CEP128: variants seen among roughly 807,000 people sequenced by gnomAD.
CEP128 encodes the protein centrosomal protein 128, also known as centrosomal protein 128kDa.
In CEP128, 132 loss-of-function variants were observed where a neutral mutation model predicts 156.7. The observed-to-expected ratio is 0.84, with a 90% CI of 0.73 to 0.97. The LOEUF is 0.97. Ranked by LOEUF, CEP128 falls within the 50% of genes least tolerant of loss-of-function variation. The pLI is 0.00. For missense variants in CEP128, 1,252 were observed against 1,281.9 expected, an observed-to-expected ratio of 0.98 and a Z score of 0.36; for synonymous variants, 469 against 448.9, an observed-to-expected ratio of 1.04 and a Z score of -0.57.
intron 14 of CEP128, among the ~76,000 whole-genome samples, chr14:80,792,533 T>C (rs1336538257): frequency 6.6e-6 from 1 of 152,208 alleles, no homozygotes. Context: ...CATCTATTTA[T>C]GGGCCAACTC....
chr14:80,766,991 A>AT (rs1900271873), intron 16 of CEP128, among the ~76,000 whole-genome samples: 1 of 152,112 alleles, frequency 6.6e-6, no homozygotes, highest in African/African-American at 2.4e-5. Flanking sequence ...TCAAGATAAA[A>AT]CTGTTATGCC....
intron 19 of CEP128, among the ~76,000 whole-genome samples, chr14:80,623,137 T>C (rs1048111939): frequency 1.3e-5 from 2 of 151,950 alleles, no homozygotes; most frequent in South Asian, 4.1e-4. Context: ...CCATAAAAAA[T>C]GATGAGTTCA....
chr14:80,787,353 C>T (rs1901464014), intron 14 of CEP128, among the ~76,000 whole-genome samples: 1 of 152,098 alleles, frequency 6.6e-6, no homozygotes, highest in Admixed American at 6.5e-5. Context: ...TTCTAGAAGC[C>T]AACCTTGTTC....
At chr14:80,528,624 C>A (rs183853564) in intron 22 of CEP128, among the ~76,000 whole-genome samples, 1 of 152,236 alleles carries the variant, frequency 6.6e-6, no homozygotes, top group East Asian at 1.9e-4. Context: ...CGCATTTAAA[C>A]AAGAATAAAG....
At chr14:80,549,296 C>G (rs1357387580) in intron 21 of CEP128, among the ~76,000 whole-genome samples, 1 of 152,138 alleles carries the variant, frequency 6.6e-6, no homozygotes, top group Non-Finnish European at 1.5e-5. Context: ...AACCTTTTTC[C>G]GGTTTCAGTT....
At chr14:80,535,199 G>A (rs146768712) in intron 21 of CEP128, among the ~76,000 whole-genome samples, 2 of 152,274 alleles carry the variant, frequency 1.3e-5, no homozygotes, top group Non-Finnish European at 2.9e-5. Flanking sequence ...AGATAGGTAC[G>A]TATTATTGTT....
chr14:80,539,765 G>C (rs1445861399), intron 21 of CEP128, among the ~76,000 whole-genome samples: 1 of 152,090 alleles, frequency 6.6e-6, no homozygotes, highest in Non-Finnish European at 1.5e-5. Flanking sequence ...GCAAGTAGGA[G>C]AGATATCGCC....
At chr14:80,901,968 C>T (rs77137768) in intron 6 of CEP128, among the ~76,000 whole-genome samples, 2,687 of 152,270 alleles carry the variant, frequency 0.018, 43 homozygotes, top group Non-Finnish European at 0.024. Context: ...CCTCGTGGGC[C>T]TTCTTTAAAT....
At chr14:80,638,442 G>T (rs1184005013) in intron 19 of CEP128, among the ~76,000 whole-genome samples, 1 of 152,052 alleles carries the variant, frequency 6.6e-6, no homozygotes, top group Non-Finnish European at 1.5e-5. Flanking sequence ...CAATCTATGG[G>T]CACAGAGGAC....
rs2139657912 is a variant in CEP128, at chr14:80,950,536, G to A, written c.-172+7642C>T. ...ATTAGTGGCCAATTAAATATTACGG[G>A]AGGACAAAAAAGAATACTGAATTTG... is the stretch of plus-strand genomic sequence containing the variant. On this transcript the variant is annotated intron_variant, in intron 2 of 7. Transcript: ENST00000555529. Among the ~76,000 whole-genome samples the A allele has an allele frequency of 1.3e-5, 2 of 152,022 alleles. 1 individual carries two copies.
intron 19 of CEP128, among the ~76,000 whole-genome samples, chr14:80,625,322 C>T (rs1893665342): frequency 6.6e-6 from 1 of 152,032 alleles, no homozygotes; most frequent in Non-Finnish European, 1.5e-5. Context: ...GGTTTTTATA[C>T]CAATATCACA....
intron 8 of CEP128, among the ~76,000 whole-genome samples, chr14:80,881,818 A>G (rs1469536282): frequency 6.6e-6 from 1 of 152,114 alleles, no homozygotes; most frequent in African/African-American, 2.4e-5. Flanking sequence ...GCAGGACAAA[A>G]CTATATAAAA....
intron 23 of CEP128, among the ~76,000 whole-genome samples, chr14:80,523,029 C>T (rs1594945231): frequency 6.6e-6 from 1 of 152,264 alleles, no homozygotes; most frequent in East Asian, 1.9e-4. Flanking sequence ...TGGTGATTGC[C>T]ACAGGAATAA....
intron 19 of CEP128, among the ~76,000 whole-genome samples, chr14:80,627,735 A>C (rs1231440368): frequency 9.2e-6 from 1 of 108,840 alleles, no homozygotes; most frequent in South Asian, 3.5e-4. Flanking sequence ...ATTAATTATT[A>C]TTTTCTTTTT....
chr14:80,785,655 ATTC>A, intron 14 of CEP128, 110 bp from the exon 15 acceptor site: 1 of 749,360 alleles, frequency 1.3e-6, no homozygotes, highest in Non-Finnish European at 2.0e-6. Flanking sequence ...GAAAAAAAAA[ATTC>A]ATCAAATAAT....
At chr14:80,880,699 A>G (rs181511663) in intron 8 of CEP128, among the ~76,000 whole-genome samples, 293 of 150,388 alleles carry the variant, frequency 1.9e-3, no homozygotes, top group Admixed American at 3.3e-3. Context: ...TACTAAAAAA[A>G]AAAAATACAA....
intron 2 of CEP128, among the ~76,000 whole-genome samples, chr14:80,949,617 G>A (rs1365649337): frequency 6.6e-6 from 1 of 152,098 alleles, no homozygotes; most frequent in Non-Finnish European, 1.5e-5. Flanking sequence ...TCGGGAATGA[G>A]GAATAATTAG....
chr14:80,715,922 G>A (rs1897586637), intron 19 of CEP128, among the ~76,000 whole-genome samples: 1 of 152,184 alleles, frequency 6.6e-6, no homozygotes, highest in South Asian at 2.1e-4. Flanking sequence ...TGAAATGAGT[G>A]TTAACCACTT....
At chr14:80,646,969 C>A (rs1228707092) in intron 19 of CEP128, among the ~76,000 whole-genome samples, 1 of 114,238 alleles carries the variant, frequency 8.8e-6, no homozygotes, top group Non-Finnish European at 1.9e-5. Context: ...GAATGCTAGG[C>A]CAAAAGGTGC....
Sources: allele counts gnomAD v4.1 joint callset (sites outside exome capture counted in the v4.1 genomes callset), GRCh38; gene constraint gnomAD v4.1.1; transcripts MANE v1.5; gene names NCBI Gene and HGNC (gene_info 2026-07-23, HGNC 2026-07-21).